The following LYN variants were observed in gnomAD, a reference collection of about 807,000 sequenced individuals.
LYN encodes tyrosine-protein kinase Lyn.
A neutral mutation model predicts 65.0 loss-of-function variants in LYN; 12 were observed. The observed-to-expected ratio is 0.18, with a 90% confidence interval of 0.12 to 0.30. LYN has a LOEUF of 0.30. Ranked by LOEUF, LYN falls within the 10% of genes least tolerant of loss-of-function variation. LYN has a pLI of 1.00. For synonymous variants in LYN, 222 were observed against 221.2 expected (o/e 1.00, Z -0.03); for missense variants, 380 against 623.2 (o/e 0.61, Z 4.16).
chr8:55,937,372 A>G (rs559533117), intron 1 of LYN, among the ~76,000 whole-genome samples: 36 of 152,274 alleles, frequency 2.4e-4, no homozygotes, highest in Admixed American at 1.5e-3. Flanking sequence ...TGTATATATA[A>G]TTTTTTCAAT....
chr8:55,897,798 A>C (rs1295372106), intron 1 of LYN, among the ~76,000 whole-genome samples: 4 of 152,226 alleles, frequency 2.6e-5, no homozygotes, highest in East Asian at 1.9e-4. Flanking sequence ...CTGTATTCCC[A>C]GCTACTCAGG....
Position 55,941,996 on chromosome 8 carries a change from G to A in LYN, c.132+5G>A. 6.2e-7 allele frequency: 1 copy of A among 1,613,166 alleles called. No homozygotes were observed. The highest frequency in any genetic ancestry group is 8.5e-7 in the Non-Finnish European group (1 of 1,179,784). On this transcript the variant is annotated splice_donor_5th_base_variant and intron_variant, in intron 2 of 12. Transcript: ENST00000519728. ...TCCAATAAACAGCAAAGGCCAGTAA[G>A]TAGATAGTCTCAGGGGAGAATTCCC...
Position 55,953,922 on chromosome 8 carries a change from C to G in LYN, c.728C>G (p.Pro243Arg). The G allele has an allele frequency of 1.2e-6, 2 of 1,614,104 alleles. No individual in the cohort carries two copies. The highest frequency in any genetic ancestry group is 2.2e-5 in the South Asian group (2 of 91,072). The change falls in exon 8 of 13, where the codon CCC becomes CGC. Residue 243 changes from proline to arginine, a missense_variant. Pro to Arg is a moderately radical substitution (Grantham distance 103). Transcript: ENST00000519728. ...KPWDKDAWEIPRESIKLVKRL... is the reference protein window; with the variant it reads ...KPWDKDAWEIRRESIKLVKRL... ...TGGGATAAAGATGCCTGGGAGATCC[C>G]CCGGGAGTCCATCAAGTTGGTGAAA...
chr8:55,930,988 T>G (rs1161084099), intron 1 of LYN, among the ~76,000 whole-genome samples: 1 of 152,092 alleles, frequency 6.6e-6, no homozygotes, highest in Non-Finnish European at 1.5e-5. Flanking sequence ...AATTAGAGTT[T>G]GAAGGACCTT....
intron 8 of LYN, among the ~76,000 whole-genome samples, chr8:55,965,139 T>C (rs1024703565): frequency 6.6e-6 from 1 of 152,156 alleles, no homozygotes; most frequent in African/African-American, 2.4e-5. Context: ...GAGAAAAGGC[T>C]TTCCCAAGAG....
chr8:56,000,265 A>G (rs1650198743), intron 12 of LYN, among the ~76,000 whole-genome samples: 1 of 152,176 alleles, frequency 6.6e-6, no homozygotes, highest in Non-Finnish European at 1.5e-5. Flanking sequence ...TCTCTCTTCA[A>G]GAAATAACCA....
intron 10 of LYN, among the ~76,000 whole-genome samples, chr8:55,992,912 G>GC (rs1196451885): frequency 2.0e-5 from 3 of 151,946 alleles, no homozygotes; most frequent in Non-Finnish European, 2.9e-5. Flanking sequence ...CCTCCTAAAG[G>GC]CCCCCCCTCT....
intron 1 of LYN, among the ~76,000 whole-genome samples, chr8:55,887,430 T>C (rs1804827615): frequency 6.6e-6 from 1 of 151,902 alleles, no homozygotes; most frequent in South Asian, 2.1e-4. Context: ...TATTTCTGGG[T>C]GACAGTTGAG....
chr8:55,961,564 A>G (rs1338534184), intron 8 of LYN, among the ~76,000 whole-genome samples: 1 of 152,124 alleles, frequency 6.6e-6, no homozygotes, highest in Non-Finnish European at 1.5e-5. Flanking sequence ...CAAACTCCTT[A>G]TCAGTATTTA....
At chr8:55,907,909 T>G (rs923373472) in intron 1 of LYN, among the ~76,000 whole-genome samples, 2 of 152,042 alleles carry the variant, frequency 1.3e-5, no homozygotes, top group African/African-American at 4.8e-5. Context: ...AAATACAAAT[T>G]TTTAAAAATG....
intron 1 of LYN, among the ~76,000 whole-genome samples, chr8:55,896,946 G>A (rs1483288534): frequency 2.0e-5 from 3 of 152,134 alleles, no homozygotes; most frequent in Non-Finnish European, 4.4e-5. Flanking sequence ...TGCCATGTTG[G>A]CCAGGTTAAT....
chr8:56,002,795 C>A (rs1008276338), intron 12 of LYN, among the ~76,000 whole-genome samples: 1 of 152,060 alleles, frequency 6.6e-6, no homozygotes, highest in Non-Finnish European at 1.5e-5. Context: ...GAGATATCTT[C>A]AGGAGATCGG....
chr8:55,950,498 A>T lies in LYN; in HGVS notation c.324A>T (p.Lys108Asn). 6.2e-7 allele frequency: 1 copy of T among 1,613,688 alleles called. No homozygotes were observed. The highest frequency in any genetic ancestry group is 8.5e-7 in the Non-Finnish European group (1 of 1,179,902). The change falls in exon 5 of 13, where the codon AAA becomes AAT. Residue 108 changes from lysine to asparagine, a missense_variant. Around this residue, in one of 2 missense-constraint regions of LYN, gnomAD observed 157 missense variants for 193.2 expected, o/e 0.81. Coordinates refer to ENST00000519728, the MANE Select transcript of LYN (RefSeq NM_002350.4). ...GGAAAGCAAAGTCCCTTTTAACAAA[A>T]AAAGAAGGCTTCATCCCCAGCAACT... is the stretch of plus-strand genomic sequence containing the variant. Reference protein sequence around the residue: ...EWWKAKSLLTKKEGFIPSNYV... With the variant: ...EWWKAKSLLTNKEGFIPSNYV...
chr8:55,999,443 G>A lies in LYN; in HGVS notation c.1230G>A (p.Thr410=), dbSNP rs369931966. The change falls in exon 12 of 13, where the codon ACG becomes ACA. Residue 410 remains threonine (T), a synonymous_variant. Transcript: ENST00000519728. ...GTGCTAAGTTCCCTATTAAGTGGAC[G>A]GCTCCAGAAGCAATCAACTTTGGAT... ...REGAKFPIKW[T]APEAINFGCF... 2.9e-5 allele frequency: 46 copies of A among 1,613,684 alleles called. 1 individual carries two copies. Among genetic ancestry groups the A allele is most frequent in the Non-Finnish European group, 3.6e-5 (42 of 1,179,788 alleles).
At chr8:55,999,171 A>G (rs1403362683) in intron 11 of LYN, among the ~76,000 whole-genome samples, 1 of 152,182 alleles carries the variant, frequency 6.6e-6, no homozygotes, top group African/African-American at 2.4e-5. Context: ...TGTCTTCTGG[A>G]AGAGACAAGC....
chr8:55,891,754 T>C (rs1406694380), intron 1 of LYN, among the ~76,000 whole-genome samples: 1 of 152,234 alleles, frequency 6.6e-6, no homozygotes, highest in Non-Finnish European at 1.5e-5. Context: ...GATGAGCAGA[T>C]ACGTGTACAA....
At chr8:55,883,812 C>T (rs749348635) in intron 1 of LYN, among the ~76,000 whole-genome samples, 2 of 151,986 alleles carry the variant, frequency 1.3e-5, no homozygotes, top group African/African-American at 2.4e-5. Flanking sequence ...TGCCTCCCAT[C>T]TTTTAAGGCT....
chr8:55,957,862 C>T (rs149962542), intron 8 of LYN, among the ~76,000 whole-genome samples: 4,469 of 152,128 alleles, frequency 0.029, 225 homozygotes, highest in African/African-American at 0.1. Flanking sequence ...GTGGGAGGAT[C>T]GCTTGAGCCT....
intron 10 of LYN, among the ~76,000 whole-genome samples, chr8:55,984,327 C>T (rs1345975054): frequency 6.6e-6 from 1 of 152,222 alleles, no homozygotes; most frequent in Non-Finnish European, 1.5e-5. Context: ...CTCCCGTGAG[C>T]CCCTGCTGGC....
Sources: gnomAD v4.1 joint callset for allele counts (sites outside exome capture counted in the v4.1 genomes callset) on GRCh38, gnomAD v4.1.1 for gene constraint, gnomAD v4.1.1 regional missense constraint, MANE v1.5 for transcripts, NCBI Gene and HGNC (gene_info 2026-07-23, HGNC 2026-07-21) for gene names.